SPON1: variants seen among roughly 807,000 people sequenced by gnomAD.
SPON1 encodes the protein spondin-1.
SPON1 carries 52 observed loss-of-function variants against 111.7 expected under a neutral mutation model. That is an observed-to-expected ratio of 0.47 (90% CI 0.37 to 0.59). The LOEUF (loss-of-function observed/expected upper bound fraction) is 0.59, where lower values mean the gene tolerates loss of function less well. SPON1 is among the 20% of genes least tolerant of loss of function. SPON1 has a pLI of 0.00. For synonymous variants in SPON1, 410 were observed against 395.8 expected (o/e 1.04, Z -0.43); for missense variants, 957 against 1,068.5 (o/e 0.90, Z 1.46).
chr11:14,117,362 T>C lies in SPON1; in HGVS notation c.677-18058T>C, dbSNP rs554384540. 2.0e-5 allele frequency among the ~76,000 whole-genome samples: 3 copies of C among 152,324 alleles called. No individual in the cohort carries two copies. The East Asian group carries it at 5.8e-4, about 29-fold the overall frequency. ...TCACATTAAGAAAGTTTCCTTCTAT[T>C]ATTAGTTTGCTGATATGTTTTCTTA... On this transcript the variant is annotated intron_variant, in intron 5 of 15. Coordinates refer to ENST00000576479, the MANE Select transcript of SPON1 (RefSeq NM_006108.4).
intron 6 of SPON1, among the ~76,000 whole-genome samples, chr11:14,225,858 C>G (rs577222159): frequency 6.6e-6 from 1 of 152,176 alleles, no homozygotes; most frequent in African/African-American, 2.4e-5. Flanking sequence ...AGGGGTCTAA[C>G]AGCTGAGATT....
intron 6 of SPON1, among the ~76,000 whole-genome samples, chr11:14,232,258 G>A (rs879950743): frequency 8.6e-5 from 13 of 151,916 alleles, no homozygotes; most frequent in Non-Finnish European, 1.3e-4. Flanking sequence ...ATCAGCACTG[G>A]ACACACTGTG....
chr11:14,133,804 G>C (rs1175074336), intron 5 of SPON1, among the ~76,000 whole-genome samples: 17 of 152,328 alleles, frequency 1.1e-4, no homozygotes, highest in African/African-American at 4.1e-4. Flanking sequence ...GAGAGATGAA[G>C]GATAAACATG....
intron 6 of SPON1, among the ~76,000 whole-genome samples, chr11:14,216,253 G>T (rs782005162): frequency 6.6e-5 from 10 of 152,174 alleles, no homozygotes; most frequent in Non-Finnish European, 1.2e-4. Context: ...GGCATCTGTG[G>T]TGGTTTATGA....
chr11:14,149,019 T>G (rs1307055270), intron 6 of SPON1, among the ~76,000 whole-genome samples: 1 of 152,212 alleles, frequency 6.6e-6, no homozygotes, highest in Non-Finnish European at 1.5e-5. Flanking sequence ...AAAATTCCCA[T>G]TGCCTAGTAT....
At chr11:14,013,537 T>C (rs1334200081) in intron 2 of SPON1, among the ~76,000 whole-genome samples, 2 of 152,228 alleles carry the variant, frequency 1.3e-5, no homozygotes, top group Non-Finnish European at 2.9e-5. Flanking sequence ...GGTTTGTGGC[T>C]GCAATTGCCT....
At chr11:14,021,502 G>A (rs1157701267) in intron 2 of SPON1, among the ~76,000 whole-genome samples, 1 of 152,140 alleles carries the variant, frequency 6.6e-6, no homozygotes, top group African/African-American at 2.4e-5. Flanking sequence ...ACCTGAGGAA[G>A]AAGAGGGAAA....
chr11:14,158,945 G>T (rs10832214), intron 6 of SPON1, among the ~76,000 whole-genome samples: 59,633 of 151,710 alleles, frequency 0.39, 11,969 homozygotes, highest in East Asian at 0.55. Context: ...AGAACTGTAC[G>T]TCTGTCTGCA....
At chr11:14,040,576 A>T (rs1554917187) in intron 2 of SPON1, among the ~76,000 whole-genome samples, 1 of 152,204 alleles carries the variant, frequency 6.6e-6, no homozygotes, top group African/African-American at 2.4e-5. Context: ...GAGGTACTTC[A>T]TTCCTTTTGT....
rs372569370 is a variant in SPON1 at position 14,194,528 on chromosome 11, TCACA to T, written c.826-48768_826-48765del. ...GAACTAATGGGAATCTAGGCCTACT[TCACA>T]CACACACACACACACACACACACAC... On this transcript the variant is annotated intron_variant, in intron 6 of 15. Transcript: ENST00000576479. 8.2e-3 allele frequency among the ~76,000 whole-genome samples: 880 copies of T among 106,846 alleles called. 2 individuals carry two copies. Among genetic ancestry groups the T allele is most frequent in the African/African-American group, 0.011 (277 of 26,008 alleles). 70.1% of individuals were successfully genotyped at this position (106,846 alleles called of 152,430 possible). A position where few individuals can be genotyped will look rare whatever the true frequency, so the allele number is the denominator to read the frequency against.
intron 2 of SPON1, among the ~76,000 whole-genome samples, chr11:14,032,699 CA>C (rs1848567978): frequency 6.6e-6 from 1 of 152,210 alleles, no homozygotes; most frequent in Non-Finnish European, 1.5e-5. Flanking sequence ...TGATTTAGTC[CA>C]AATCTACCTG....
At chr11:14,160,917 T>TTA (rs797029036) in intron 6 of SPON1, among the ~76,000 whole-genome samples, 2,940 of 41,188 alleles carry the variant, frequency 0.071, 708 homozygotes, top group Non-Finnish European at 0.097. Flanking sequence ...ATATATATAT[T>TTA]TATATATTTA....
At chr11:14,146,329 T>A (rs1330719944) in intron 6 of SPON1, among the ~76,000 whole-genome samples, 1 of 152,076 alleles carries the variant, frequency 6.6e-6, no homozygotes, top group Admixed American at 6.5e-5. Context: ...TTTACATTTT[T>A]AGTAGAGACG....
chr11:13,986,885 A>G (rs1564879766), intron 2 of SPON1, among the ~76,000 whole-genome samples: 1 of 152,186 alleles, frequency 6.6e-6, no homozygotes, highest in Admixed American at 6.5e-5. Context: ...CCTGCAAAGG[A>G]CATGAACTCA....
At chr11:14,090,562 C>T (rs1849042583) in intron 5 of SPON1, among the ~76,000 whole-genome samples, 1 of 151,842 alleles carries the variant, frequency 6.6e-6, no homozygotes, top group Non-Finnish European at 1.5e-5. Flanking sequence ...AGCTGCAGAC[C>T]TTTGTGGTGA....
chr11:14,190,740 A>G (rs533779615), intron 6 of SPON1, among the ~76,000 whole-genome samples: 16 of 149,374 alleles, frequency 1.1e-4, no homozygotes, highest in Middle Eastern at 3.4e-3. Flanking sequence ...TCCCAGATTC[A>G]AGTGATTCTC....
chr11:14,228,768 C>A lies in SPON1; in HGVS notation c.826-14564C>A, dbSNP rs1016790966. ...AGCGTCACATTGTCTTCCACACTAA[C>A]GCACAATAAAGTTGTATAGGGCAAC... On this transcript the variant is annotated intron_variant, in intron 6 of 15. Coordinates refer to ENST00000576479, the MANE Select transcript of SPON1 (RefSeq NM_006108.4). The surrounding 1 kb of genome is among the most constrained non-coding windows in gnomAD (Gnocchi z 4.2). Among the ~76,000 whole-genome samples the A allele has an allele frequency of 3.3e-5, 5 of 152,206 alleles. No homozygotes were observed. Among genetic ancestry groups the A allele is most frequent in the African/African-American group, 4.8e-5 (2 of 41,446 alleles).
chr11:14,012,631 G>A (rs945555825), intron 2 of SPON1, among the ~76,000 whole-genome samples: 6 of 152,102 alleles, frequency 3.9e-5, no homozygotes, highest in African/African-American at 1.4e-4. Flanking sequence ...TCAGCTCAAA[G>A]TCACTTCCTC....
chr11:13,975,561 G>A (rs187161658), intron 1 of SPON1, among the ~76,000 whole-genome samples: 1 of 152,264 alleles, frequency 6.6e-6, no homozygotes, highest in Admixed American at 6.5e-5. Context: ...AACACGTATG[G>A]AACTGAAATT....
Sources: allele counts gnomAD v4.1 joint callset (sites outside exome capture counted in the v4.1 genomes callset), GRCh38; gene constraint gnomAD v4.1.1; non-coding constraint Gnocchi (gnomAD v3.1); transcripts MANE v1.5; gene names NCBI Gene and HGNC (gene_info 2026-07-23, HGNC 2026-07-21).